FANCL: variants seen among roughly 807,000 people sequenced by gnomAD.
FANCL encodes FA complementation group L.
Under a neutral mutation model 59.4 loss-of-function variants are expected in FANCL, and 69 were observed. The ratio of observed to expected loss-of-function variants is 1.16; its 90% CI spans 0.96 to 1.42. The LOEUF is 1.42. Ranked by LOEUF, FANCL falls within the 40% of genes most tolerant of loss-of-function variation. FANCL has a pLI of 0.00. For missense variants in FANCL, 519 were observed against 447.2 expected, an observed-to-expected ratio of 1.16 and a Z score of -1.45; for synonymous variants, 180 against 147.1, an observed-to-expected ratio of 1.22 and a Z score of -1.62.
intron 7 of FANCL, among the ~76,000 whole-genome samples, chr2:58,197,727 A>G (rs562132646): frequency 6.6e-6 from 1 of 152,320 alleles, no homozygotes; most frequent in South Asian, 2.1e-4. Context: ...GCACAAAATA[A>G]AAGAATATAA....
chr2:58,197,039 AATC>A (rs763197509), intron 7 of FANCL, among the ~76,000 whole-genome samples: 2 of 151,778 alleles, frequency 1.3e-5, no homozygotes, highest in Non-Finnish European at 2.9e-5. Flanking sequence ...TAGAAAAAAA[AATC>A]AACATAGTAT....
intron 5 of FANCL, chr2:58,213,384 TTTAAGAG>T (rs1157407606): frequency 2.6e-5 from 4 of 152,218 alleles, no homozygotes; most frequent in Non-Finnish European, 5.9e-5. Flanking sequence ...CCAGACCTAA[TTTAAGAG>T]TTAAGCCATA....
intron 1 of FANCL, 28 bp downstream of exon 1, chr2:58,241,190 A>G: frequency 6.2e-7 from 1 of 1,607,238 alleles, no homozygotes; most frequent in Non-Finnish European, 8.5e-7. Context: ...AGGCTCTCTT[A>G]GCTAGAAAGC....
intron 7 of FANCL, among the ~76,000 whole-genome samples, chr2:58,182,812 C>T (rs1042030341): frequency 4.0e-5 from 6 of 151,620 alleles, no homozygotes; most frequent in Admixed American, 4.0e-4. Context: ...ATACTAGATA[C>T]TGGTGATACT....
chr2:58,168,335 G>A (rs71418483), intron 7 of FANCL, among the ~76,000 whole-genome samples: 1 of 152,154 alleles, frequency 6.6e-6, no homozygotes, highest in African/African-American at 2.4e-5. Flanking sequence ...CCTCACTCAG[G>A]AAGCGCAAGG....
chr2:58,189,240 ACATT>A (rs1428057559), intron 7 of FANCL, among the ~76,000 whole-genome samples: 1 of 152,182 alleles, frequency 6.6e-6, no homozygotes, highest in Non-Finnish European at 1.5e-5. Flanking sequence ...CACCTTAAAT[ACATT>A]CAGTTTACTG....
At chr2:58,200,884 T>C (rs950596822) in intron 6 of FANCL, among the ~76,000 whole-genome samples, 30 of 151,780 alleles carry the variant, frequency 2.0e-4, no homozygotes, top group African/African-American at 7.2e-4. Context: ...ATTAGACTGA[T>C]CTTTATGCAA....
chr2:58,180,419 G>T (rs574371013), intron 7 of FANCL, among the ~76,000 whole-genome samples: 33 of 152,246 alleles, frequency 2.2e-4, no homozygotes, highest in South Asian at 2.1e-4. Context: ...GTCCTTTGCA[G>T]GGACACGGAT....
At position 58,217,197 on chromosome 2, in the gene FANCL, TATATATATATATATATATACAC is replaced by T. The variant is rs1226424101; in HGVS notation, c.374+4723_374+4744del. ...ATATATATATATATATATATATATA[TATATATATATATATATATACAC>T]ACACACACACACACACACACACACA... is the stretch of plus-strand genomic sequence containing the variant. On this transcript the variant is annotated intron_variant, in intron 5 of 13. Coordinates refer to ENST00000233741, the MANE Select transcript of FANCL (RefSeq NM_018062.4). Among the ~76,000 whole-genome samples, 22 of 13,564 alleles carry T rather than the reference TATATATATATATATATATACAC, an allele frequency of 1.6e-3. 1 individual carries two copies. Among genetic ancestry groups the T allele is most frequent in the East Asian group, 4.3e-3 (2 of 460 alleles). The allele number at this position is 13,564 out of a possible 152,430, so 8.9% of individuals were successfully genotyped here.
At chr2:58,210,778 T>G (rs897415385) in intron 5 of FANCL, among the ~76,000 whole-genome samples, 2 of 152,106 alleles carry the variant, frequency 1.3e-5, no homozygotes, top group Admixed American at 1.3e-4. Context: ...CCCATGCAAG[T>G]CCAAAATCCA....
intron 5 of FANCL, among the ~76,000 whole-genome samples, chr2:58,218,604 GA>G (rs914268781): frequency 7.2e-4 from 108 of 149,974 alleles, no homozygotes; most frequent in African/African-American, 2.6e-3. Flanking sequence ...GAAAATGAGT[GA>G]AGCCTATAAA....
chr2:58,164,318 C>A (rs1305406204), intron 8 of FANCL, among the ~76,000 whole-genome samples: 1 of 151,850 alleles, frequency 6.6e-6, no homozygotes. Context: ...AGGCTGGCAT[C>A]AACATAAATG....
At chr2:58,219,191 T>A (rs1558810406) in intron 5 of FANCL, among the ~76,000 whole-genome samples, 1 of 107,502 alleles carries the variant, frequency 9.3e-6, no homozygotes. Flanking sequence ...TATATATATA[T>A]ATATATATAT....
intron 5 of FANCL, among the ~76,000 whole-genome samples, chr2:58,207,140 G>T (rs1377264970): frequency 5.9e-5 from 9 of 152,064 alleles, no homozygotes; most frequent in Admixed American, 5.9e-4. Flanking sequence ...TGTGCTTTTG[G>T]GGGTTCATTT....
intron 7 of FANCL, among the ~76,000 whole-genome samples, chr2:58,176,911 A>G (rs1687383192): frequency 6.6e-6 from 1 of 152,142 alleles, no homozygotes; most frequent in South Asian, 2.1e-4. Flanking sequence ...CAGAATCTAC[A>G]AAGAACTCAA....
intron 5 of FANCL, 25 bp from the exon 6 acceptor site, chr2:58,204,251 A>T: frequency 6.4e-7 from 1 of 1,557,438 alleles, no homozygotes; most frequent in Middle Eastern, 1.7e-4. Context: ...AGAATAAAAA[A>T]TGATCACACC....
In FANCL at chr2:58,159,546, GA is replaced by G. The variant is rs1558723753; in HGVS notation, c.*218del. ...AATACACTTCCACAGTCAGCACGGG[GA>G]TCACAGACTTAGAAAGTTCAACTGG... On this transcript the variant is annotated 3_prime_UTR_variant, in exon 14 of 14. Coordinates refer to ENST00000233741, the MANE Select transcript of FANCL (RefSeq NM_018062.4). The G allele has an allele frequency of 6.2e-7, 1 of 1,613,780 alleles. No homozygotes were observed. The highest frequency in any genetic ancestry group is 8.5e-7 in the Non-Finnish European group (1 of 1,179,810).
chr2:58,175,325 C>T (rs1268633280), intron 7 of FANCL, among the ~76,000 whole-genome samples: 1 of 148,582 alleles, frequency 6.7e-6, no homozygotes, highest in Non-Finnish European at 1.5e-5. Context: ...GGCAGAGACA[C>T]AACCAAAAAA....
rs1185433123 is a variant in FANCL, at chr2:58,162,860, A to T, written c.903+6T>A. On this transcript the variant is annotated splice_donor_region_variant and intron_variant, in intron 11 of 13. Transcript: ENST00000233741. ...TCTGGAATATCAAAACACTGATAAA[A>T]CTTACAGATTTTTCCAGGATAGCAC... 1 of 1,609,142 alleles carries T rather than the reference A, an allele frequency of 6.2e-7. No homozygotes were observed. Among genetic ancestry groups the T allele is most frequent in the East Asian group, 2.2e-5 (1 of 44,804 alleles).
Sources: allele counts gnomAD v4.1 joint callset (sites outside exome capture counted in the v4.1 genomes callset), GRCh38; gene constraint gnomAD v4.1.1; transcripts MANE v1.5; gene names NCBI Gene and HGNC (gene_info 2026-07-23, HGNC 2026-07-21).